MYO16: variants seen among roughly 807,000 people sequenced by gnomAD.
MYO16 encodes the protein myosin XVI.
MYO16 carries 94 observed loss-of-function variants against 205.3 expected under a neutral mutation model. The observed-to-expected ratio is 0.46, with a 90% CI of 0.39 to 0.54. The LOEUF is 0.54. Ranked by LOEUF, MYO16 falls within the 20% of genes least tolerant of loss-of-function variation. The pLI, the probability that MYO16 is intolerant of heterozygous loss-of-function variation, is 0.00. For synonymous variants in MYO16, 988 were observed against 954.0 expected (o/e 1.04, Z -0.66); for missense variants, 2,315 against 2,387.5 (o/e 0.97, Z 0.63).
At position 109,167,614 on chromosome 13, in the gene MYO16, C is replaced by A. The variant is rs1307912730; in HGVS notation, c.5323+2555C>A. On this transcript the variant is annotated intron_variant, in intron 33 of 34. Coordinates refer to ENST00000457511, the MANE Select transcript of MYO16 (RefSeq NM_001198950.3). ...CACTGTCTCTAAATTACACCATAAT[C>A]AATCCAACGTTTGTAAAAATGAAAC... Among the ~76,000 whole-genome samples, 3 of 152,154 alleles carry A rather than the reference C, an allele frequency of 2.0e-5. 1 individual carries two copies. The highest frequency in any genetic ancestry group is 7.2e-5 in the African/African-American group (3 of 41,422).
chr13:108,608,807 T>C (rs938405430), intron 1 of MYO16, among the ~76,000 whole-genome samples: 2 of 152,054 alleles, frequency 1.3e-5, no homozygotes, highest in African/African-American at 4.8e-5. Flanking sequence ...CATGCCCAGC[T>C]AATTTTTTGT....
At chr13:108,702,553 C>T (rs1318271396) in intron 2 of MYO16, among the ~76,000 whole-genome samples, 5 of 152,086 alleles carry the variant, frequency 3.3e-5, no homozygotes, top group Non-Finnish European at 2.9e-5. Context: ...CAAAGGGAAA[C>T]TTTCAGGCTG....
chr13:108,677,328 TGTGTGTGTATATATATATATATATATGC>T (rs1006523143), intron 2 of MYO16, among the ~76,000 whole-genome samples: 1 of 129,040 alleles, frequency 7.7e-6, no homozygotes, highest in African/African-American at 3.2e-5. Flanking sequence ...TGTGTGTGTG[TGTGTGTGTATATATATATATATATATGC>T]ATATATATAT....
At chr13:108,900,799 G>A (rs1880670662) in intron 15 of MYO16, among the ~76,000 whole-genome samples, 2 of 152,174 alleles carry the variant, frequency 1.3e-5, no homozygotes, top group South Asian at 4.1e-4. Flanking sequence ...CAATGTTCAG[G>A]GAACAAGAGA....
chr13:108,727,356 T>G (rs1884374824), intron 3 of MYO16, 84 bp from the exon 4 acceptor site: 14 of 1,397,962 alleles, frequency 1.0e-5, no homozygotes, highest in African/African-American at 5.8e-5. Flanking sequence ...GGTATTGAAG[T>G]TTTTTTTTAA....
intron 23 of MYO16, among the ~76,000 whole-genome samples, chr13:109,040,329 A>G (rs950101505): frequency 1.3e-5 from 2 of 150,290 alleles, no homozygotes; most frequent in African/African-American, 4.9e-5. Flanking sequence ...AGCAAGTATT[A>G]TCCTAACACC....
rs140197145 is a variant in MYO16, at chr13:108,881,484, T to C, written c.1426-1575T>C. The stretch of plus-strand genomic sequence containing the variant: ...GAAGAAGGCTTCAGATGATAGGTAA[T>C]AACAAACTTCTCCGAGCTAAAGGAG... On this transcript the variant is annotated intron_variant, in intron 12 of 34. Coordinates refer to ENST00000457511, the MANE Select transcript of MYO16 (RefSeq NM_001198950.3). Among the ~76,000 whole-genome samples, 623 of 152,256 alleles carry C rather than the reference T, an allele frequency of 4.1e-3. 6 individuals are homozygous for C. The highest frequency in any genetic ancestry group is 0.013 in the African/African-American group (559 of 41,548).
the MYO16 span, among the ~76,000 whole-genome samples, chr13:108,510,461 GTTTTTT>G: frequency 3.3e-4 from 15 of 45,918 alleles, no homozygotes; most frequent in Admixed American, 3.5e-3. Context: ...ATTGATAGCT[GTTTTTT>G]TTTTTTTTTT....
intron 4 of MYO16, among the ~76,000 whole-genome samples, chr13:108,775,882 T>C (rs936582950): frequency 2.6e-5 from 4 of 152,212 alleles, no homozygotes; most frequent in African/African-American, 9.6e-5. Context: ...TCAAGTTTTC[T>C]GGGGCTCTTT....
chr13:108,950,857 G>A (rs939158753), intron 16 of MYO16, among the ~76,000 whole-genome samples: 1 of 152,272 alleles, frequency 6.6e-6, no homozygotes, highest in Admixed American at 6.5e-5. Context: ...AATACTGCTC[G>A]GCAGCAGAGT....
chr13:109,151,732 T>C (rs1467789632), intron 32 of MYO16, among the ~76,000 whole-genome samples: 1 of 152,218 alleles, frequency 6.6e-6, no homozygotes, highest in Non-Finnish European at 1.5e-5. Flanking sequence ...TTTCCTTTTA[T>C]GTGAAAAGCT....
intron 16 of MYO16, among the ~76,000 whole-genome samples, chr13:108,918,710 G>C (rs952467016): frequency 6.6e-6 from 1 of 152,166 alleles, no homozygotes; most frequent in African/African-American, 2.4e-5. Flanking sequence ...AGGCCGAGGC[G>C]GGCAGATCAC....
upstream of MYO16, among the ~76,000 whole-genome samples, chr13:108,594,356 T>C (rs75167687): frequency 0.019 from 2,938 of 152,282 alleles, 100 homozygotes; most frequent in South Asian, 0.16. Flanking sequence ...GCAGCCATGG[T>C]AACCCTAATT....
chr13:108,522,632 G>A, the MYO16 span, among the ~76,000 whole-genome samples: 1 of 152,270 alleles, frequency 6.6e-6, no homozygotes, highest in African/African-American at 2.4e-5. Flanking sequence ...GAGTCCTCCT[G>A]AGGGTGGTGA....
chr13:109,023,885 C>A (rs1886260058), intron 23 of MYO16, among the ~76,000 whole-genome samples: 2 of 135,522 alleles, frequency 1.5e-5, no homozygotes, highest in African/African-American at 2.7e-5. Flanking sequence ...TTATTAAATA[C>A]TTATATATTT....
chr13:108,868,983 A>ATT (rs1878870087), intron 12 of MYO16, among the ~76,000 whole-genome samples: 4 of 152,084 alleles, frequency 2.6e-5, no homozygotes, highest in Admixed American at 2.6e-4. Flanking sequence ...ACTAGTAACT[A>ATT]TACATAAATG....
the MYO16 span, among the ~76,000 whole-genome samples, chr13:108,590,531 C>T: frequency 6.6e-6 from 1 of 152,122 alleles, no homozygotes; most frequent in Non-Finnish European, 1.5e-5. Context: ...CAAATGTGAC[C>T]TTATTTGGAA....
chr13:108,581,241 T>C, the MYO16 span, among the ~76,000 whole-genome samples: 1 of 152,180 alleles, frequency 6.6e-6, no homozygotes, highest in Non-Finnish European at 1.5e-5. Flanking sequence ...GAACAAAGTA[T>C]GTTACCTAAT....
At chr13:109,098,405 C>T (rs1341003657) in intron 27 of MYO16, among the ~76,000 whole-genome samples, 1 of 152,140 alleles carries the variant, frequency 6.6e-6, no homozygotes, top group Non-Finnish European at 1.5e-5. Flanking sequence ...CTTGCAGAAG[C>T]ATTTTCCCTG....
Sources: gnomAD v4.1 joint callset for allele counts (sites outside exome capture counted in the v4.1 genomes callset) on GRCh38, gnomAD v4.1.1 for gene constraint, MANE v1.5 for transcripts, NCBI Gene and HGNC (gene_info 2026-07-23, HGNC 2026-07-21) for gene names.